TAFA1: variants seen among roughly 807,000 people sequenced by gnomAD.
TAFA1 encodes chemokine-like protein TAFA-1.
A neutral mutation model predicts 18.5 loss-of-function variants in TAFA1; 4 were observed. The ratio of observed to expected loss-of-function variants is 0.22; its 90% CI spans 0.11 to 0.49. TAFA1 has a LOEUF of 0.49. Among genes scored for constraint, TAFA1 ranks in the 20% least tolerant of loss-of-function variants. The probability of loss-of-function intolerance (pLI) is 0.98; values close to 1 mark genes in which losing one functional copy is unlikely to be tolerated. For missense variants in TAFA1, 147 were observed against 169.0 expected (o/e 0.87, Z 0.72); for synonymous variants, 56 against 55.2 (o/e 1.01, Z -0.06).
intron 2 of TAFA1, among the ~76,000 whole-genome samples, chr3:68,273,702 A>T (rs2067723369): frequency 6.6e-6 from 1 of 152,182 alleles, no homozygotes; most frequent in South Asian, 2.1e-4. Context: ...TGGAAGCTAG[A>T]AGATCAGTTA....
intron 2 of TAFA1, among the ~76,000 whole-genome samples, chr3:68,249,669 G>A (rs1321645838): frequency 6.6e-6 from 1 of 152,114 alleles, no homozygotes; most frequent in African/African-American, 2.4e-5. Context: ...AGGACTAAGA[G>A]CAAGTCGCAC....
chr3:68,073,100 G>T (rs2064777695), intron 2 of TAFA1, among the ~76,000 whole-genome samples: 1 of 152,110 alleles, frequency 6.6e-6, no homozygotes, highest in Admixed American at 6.5e-5. Context: ...TTTCAAGACA[G>T]GCTATCCTTA....
intron 3 of TAFA1, among the ~76,000 whole-genome samples, chr3:68,471,454 A>C (rs566129575): frequency 1.3e-5 from 2 of 152,282 alleles, no homozygotes; most frequent in South Asian, 4.1e-4. Flanking sequence ...TCCAGGAGGG[A>C]GCTGCACCCT....
chr3:68,499,861 CTTTT>C (rs57102825), intron 3 of TAFA1, among the ~76,000 whole-genome samples: 6 of 137,480 alleles, frequency 4.4e-5, no homozygotes, highest in Non-Finnish European at 7.7e-5. Context: ...TTTTCTTTTC[CTTTT>C]TTTTTTTTTT....
intron 2 of TAFA1, among the ~76,000 whole-genome samples, chr3:68,189,047 G>A (rs1344138840): frequency 6.6e-6 from 1 of 151,848 alleles, no homozygotes; most frequent in Non-Finnish European, 1.5e-5. Context: ...GGACTGATTT[G>A]CACCAAATAA....
intron 2 of TAFA1, among the ~76,000 whole-genome samples, chr3:68,125,721 CTGCTGTGGTGGGCAG>C (rs1159959111): frequency 6.6e-6 from 1 of 152,298 alleles, no homozygotes; most frequent in African/African-American, 2.4e-5. Flanking sequence ...ATTTTAGCCA[CTGCTGTGGTGGGCAG>C]TGCTGTGGCA....
chr3:68,061,024 G>C (rs756160599), intron 2 of TAFA1, among the ~76,000 whole-genome samples: 1 of 152,124 alleles, frequency 6.6e-6, no homozygotes, highest in Non-Finnish European at 1.5e-5. Flanking sequence ...CTTTCTTGCT[G>C]GCTCTCTCTG....
chr3:68,493,116 A>G (rs2072483012), intron 3 of TAFA1, among the ~76,000 whole-genome samples: 1 of 152,092 alleles, frequency 6.6e-6, no homozygotes, highest in South Asian at 2.1e-4. Context: ...GCAATAGTAA[A>G]TATCCATACT....
intron 2 of TAFA1, among the ~76,000 whole-genome samples, chr3:68,022,244 G>A (rs985210794): frequency 2.0e-5 from 3 of 152,108 alleles, no homozygotes; most frequent in Admixed American, 6.6e-5. Flanking sequence ...TCTTTCTACA[G>A]GATACGGTAT....
chr3:68,349,388 C>T (rs761430276), intron 2 of TAFA1, among the ~76,000 whole-genome samples: 7 of 151,798 alleles, frequency 4.6e-5, no homozygotes, highest in Non-Finnish European at 7.4e-5. Context: ...AAAGGTGTTA[C>T]GGAAATAAAG....
chr3:68,345,187 A>T (rs2069145815), intron 2 of TAFA1, among the ~76,000 whole-genome samples: 1 of 152,170 alleles, frequency 6.6e-6, no homozygotes, highest in South Asian at 2.1e-4. Flanking sequence ...GAACCTCTGG[A>T]GATACCCTAC....
intron 3 of TAFA1, among the ~76,000 whole-genome samples, chr3:68,524,363 T>C (rs1013984098): frequency 5.3e-5 from 8 of 152,052 alleles, no homozygotes; most frequent in Non-Finnish European, 7.3e-5. Flanking sequence ...CAAACCCAGA[T>C]AGAAGGGCTG....
intron 2 of TAFA1, among the ~76,000 whole-genome samples, chr3:68,011,312 G>A (rs921291018): frequency 3.9e-5 from 6 of 152,142 alleles, no homozygotes; most frequent in East Asian, 1.9e-4. Context: ...CTATTTTATC[G>A]ACAGGGGTGT....
intron 2 of TAFA1, among the ~76,000 whole-genome samples, chr3:68,207,928 C>T (rs2066546441): frequency 6.6e-6 from 1 of 151,828 alleles, no homozygotes; most frequent in Non-Finnish European, 1.5e-5. Context: ...CAGTCTCATT[C>T]TATAATTTTG....
chr3:68,532,303 G>A (rs1284522449), intron 3 of TAFA1, among the ~76,000 whole-genome samples: 1 of 152,186 alleles, frequency 6.6e-6, no homozygotes, highest in Non-Finnish European at 1.5e-5. Context: ...GGCAAAGAAA[G>A]GCTGCCTTCT....
chr3:68,000,092 G>C (rs980215850), upstream of TAFA1, among the ~76,000 whole-genome samples: 1 of 152,080 alleles, frequency 6.6e-6, no homozygotes, highest in Non-Finnish European at 1.5e-5. Context: ...CCTGGTCAAA[G>C]CTACTTATTT....
At chr3:68,118,242 C>T (rs2106851813) in intron 2 of TAFA1, among the ~76,000 whole-genome samples, 1 of 152,228 alleles carries the variant, frequency 6.6e-6, no homozygotes, top group Middle Eastern at 3.4e-3. Flanking sequence ...GATCATCAGG[C>T]ATTCGATTCT....
chr3:68,230,127 A>G (rs2066854232), intron 2 of TAFA1, among the ~76,000 whole-genome samples: 1 of 152,128 alleles, frequency 6.6e-6, no homozygotes. Flanking sequence ...GAACATTCCA[A>G]TTCTAGTCTT....
At chr3:68,327,980 G>C (rs978920379) in intron 2 of TAFA1, among the ~76,000 whole-genome samples, 1 of 152,284 alleles carries the variant, frequency 6.6e-6, no homozygotes, top group Middle Eastern at 3.4e-3. Context: ...TGGGTATTGA[G>C]ACTACTAATT....
Sources: allele counts gnomAD v4.1 joint callset (sites outside exome capture counted in the v4.1 genomes callset), GRCh38; gene constraint gnomAD v4.1.1; transcripts MANE v1.5; gene names NCBI Gene and HGNC (gene_info 2026-07-23, HGNC 2026-07-21).